Variants in TNFAIP8L3 observed in about 807,000 individuals in gnomAD.
TNFAIP8L3 encodes tumor necrosis factor alpha-induced protein 8-like protein 3.
Under a neutral mutation model 11.8 loss-of-function variants are expected in TNFAIP8L3, and 7 were observed. The observed-to-expected ratio is 0.59, with a 90% CI of 0.34 to 1.11. The LOEUF (loss-of-function observed/expected upper bound fraction) is 1.11, where lower values mean the gene tolerates loss of function less well. TNFAIP8L3 is among the 50% of genes most tolerant of loss of function. TNFAIP8L3 has a pLI of 0.03. For missense variants in TNFAIP8L3, 219 were observed against 258.6 expected, an observed-to-expected ratio of 0.85 and a Z score of 1.05; for synonymous variants, 98 against 103.8, an observed-to-expected ratio of 0.94 and a Z score of 0.34.
At chr15:51,064,469 T>C (rs2140964900) in intron 1 of TNFAIP8L3, 1 of 149,802 alleles carries the variant, frequency 6.7e-6, no homozygotes, top group East Asian at 2.0e-4. Context: ...CATATACATA[T>C]ACATATGAAT....
chr15:51,095,092 C>T (rs934908495), upstream of TNFAIP8L3, among the ~76,000 whole-genome samples: 2 of 152,062 alleles, frequency 1.3e-5, no homozygotes, highest in East Asian at 1.9e-4. Context: ...AGCTTCAACT[C>T]GCGCAGGAAA....
intron 1 of TNFAIP8L3, among the ~76,000 whole-genome samples, chr15:51,083,352 T>G (rs930538261): frequency 2.6e-5 from 4 of 152,216 alleles, no homozygotes; most frequent in Non-Finnish European, 4.4e-5. Flanking sequence ...ACAATCCCGT[T>G]ACAACAGGCT....
At chr15:51,091,996 A>G (rs887291086) in intron 1 of TNFAIP8L3, among the ~76,000 whole-genome samples, 1 of 152,156 alleles carries the variant, frequency 6.6e-6, no homozygotes, top group Non-Finnish European at 1.5e-5. Flanking sequence ...CTGTGGTACT[A>G]CTGTTATCCT....
intron 1 of TNFAIP8L3, among the ~76,000 whole-genome samples, chr15:51,078,474 G>C (rs1444552765): frequency 6.6e-6 from 1 of 151,766 alleles, no homozygotes. Flanking sequence ...CCTCCTCCAG[G>C]CCTCCTCCTC....
chr15:51,066,452 A>G (rs2065273038), intron 1 of TNFAIP8L3, among the ~76,000 whole-genome samples: 1 of 152,160 alleles, frequency 6.6e-6, no homozygotes, highest in Non-Finnish European at 1.5e-5. Context: ...ATTGAGCCAC[A>G]GCGTCTGGCC....
chr15:51,074,403 A>G (rs2065334700), intron 1 of TNFAIP8L3, among the ~76,000 whole-genome samples: 1 of 152,186 alleles, frequency 6.6e-6, no homozygotes, highest in African/African-American at 2.4e-5. Flanking sequence ...AGTTTTTGCT[A>G]TGAAGTATCT....
At chr15:51,079,880 G>C (rs111605875) in intron 1 of TNFAIP8L3, among the ~76,000 whole-genome samples, 2 of 119,148 alleles carry the variant, frequency 1.7e-5, no homozygotes, top group Non-Finnish European at 3.6e-5. Flanking sequence ...AAAAAAAAAA[G>C]AAAGAAAGAA....
intron 1 of TNFAIP8L3, among the ~76,000 whole-genome samples, chr15:51,066,084 A>C (rs1041260231): frequency 2.0e-5 from 3 of 151,434 alleles, no homozygotes; most frequent in South Asian, 2.1e-4. Context: ...AAAAAAAAAA[A>C]CAAAAAATGG....
intron 1 of TNFAIP8L3, among the ~76,000 whole-genome samples, chr15:51,072,340 A>G (rs1320222355): frequency 3.9e-5 from 6 of 152,110 alleles, no homozygotes; most frequent in Non-Finnish European, 7.4e-5. Context: ...GGGTTTCTCT[A>G]TGTTGGTCAG....
intron 1 of TNFAIP8L3, among the ~76,000 whole-genome samples, chr15:51,080,955 A>G (rs1054375812): frequency 6.6e-6 from 1 of 152,254 alleles, no homozygotes; most frequent in Admixed American, 6.5e-5. Context: ...TTGCCTTGAG[A>G]ATTCAAAGGC....
At chr15:51,071,906 C>T (rs1323998324) in intron 1 of TNFAIP8L3, among the ~76,000 whole-genome samples, 1 of 152,098 alleles carries the variant, frequency 6.6e-6, no homozygotes, top group Admixed American at 6.6e-5. Flanking sequence ...TATGCATGTT[C>T]CTGATTGCTG....
intron 1 of TNFAIP8L3, among the ~76,000 whole-genome samples, chr15:51,075,912 G>A (rs946392638): frequency 6.6e-6 from 1 of 152,202 alleles, no homozygotes; most frequent in Admixed American, 6.5e-5. Context: ...ACTGTTAGCT[G>A]TACTTGAGAG....
upstream of TNFAIP8L3, among the ~76,000 whole-genome samples, chr15:51,096,901 A>G (rs2065517503): frequency 6.6e-6 from 1 of 151,686 alleles, no homozygotes; most frequent in African/African-American, 2.4e-5. Flanking sequence ...CAAAAAAAAA[A>G]AAAAAAAAAA....
At chr15:51,058,584 A>C in intron 1 of TNFAIP8L3, 141 bp from the exon 2 acceptor site, 3 of 715,530 alleles carry the variant, frequency 4.2e-6, no homozygotes, top group South Asian at 4.7e-5. Context: ...CCCTAACTAA[A>C]CCCCACCCCA....
At chr15:51,082,233 T>C (rs146676154) in intron 1 of TNFAIP8L3, among the ~76,000 whole-genome samples, 3,310 of 152,246 alleles carry the variant, frequency 0.022, 60 homozygotes, top group Non-Finnish European at 0.032. Flanking sequence ...CTAGGCTATA[T>C]GGTACAGCAT....
chr15:51,082,022 C>T (rs1385081945), intron 1 of TNFAIP8L3, among the ~76,000 whole-genome samples: 1 of 150,850 alleles, frequency 6.6e-6, no homozygotes, highest in Non-Finnish European at 1.5e-5. Flanking sequence ...CTGCTTTCAA[C>T]TTGAAAACTA....
intron 1 of TNFAIP8L3, among the ~76,000 whole-genome samples, chr15:51,084,543 C>T (rs1430373715): frequency 6.6e-6 from 1 of 152,154 alleles, no homozygotes; most frequent in Non-Finnish European, 1.5e-5. Flanking sequence ...AATGATAATA[C>T]CTGCTTTATC....
chr15:51,089,081 C>T lies in TNFAIP8L3; in HGVS notation c.52+5463G>A, dbSNP rs548203158. ...TGGTAGCTCAGCTTCTCTGCCCAGT[C>T]CTGCTCCCTTCCCTTCCCCCTTTTT... On this transcript the variant is annotated intron_variant, in intron 1 of 1. Transcript: ENST00000637513. 2.0e-5 allele frequency among the ~76,000 whole-genome samples: 3 copies of T among 152,306 alleles called. No homozygotes were observed. The South Asian group carries it at 6.2e-4, about 32-fold the overall frequency.
chr15:51,086,886 TACA>T (rs2065431806), intron 1 of TNFAIP8L3, among the ~76,000 whole-genome samples: 2 of 151,254 alleles, frequency 1.3e-5, no homozygotes, highest in Admixed American at 1.3e-4. Flanking sequence ...CTTGTTTTGC[TACA>T]ACTTCTTTTT....
Sources: gnomAD v4.1 joint callset for allele counts (sites outside exome capture counted in the v4.1 genomes callset) on GRCh38, gnomAD v4.1.1 for gene constraint, MANE v1.5 for transcripts, NCBI Gene and HGNC (gene_info 2026-07-23, HGNC 2026-07-21) for gene names.